UNC13C: variants seen among roughly 807,000 people sequenced by gnomAD.
The protein encoded by UNC13C is protein unc-13 homolog C.
UNC13C carries 174 observed loss-of-function variants against 245.4 expected under a neutral mutation model. The ratio of observed to expected loss-of-function variants is 0.71; its 90% CI spans 0.63 to 0.80. The LOEUF (loss-of-function observed/expected upper bound fraction) is 0.80, where lower values mean the gene tolerates loss of function less well. Ranked by LOEUF, UNC13C falls within the 30% of genes least tolerant of loss-of-function variation. The pLI, the probability that UNC13C is intolerant of heterozygous loss-of-function variation, is 0.00. For synonymous variants in UNC13C, 992 were observed against 895.1 expected, an observed-to-expected ratio of 1.11 and a Z score of -1.93; for missense variants, 2,829 against 2,602.9, an observed-to-expected ratio of 1.09 and a Z score of -1.89.
rs559762041 is a variant in UNC13C at position 54,303,981 on chromosome 15, T to C, written c.4268+3608T>C. ...TGACCTGCAGGTATATTGGGTCTCA[T>C]TGTATTTATAAATCTCAGGAAAGGC... On this transcript the variant is annotated intron_variant, in intron 13 of 32. Transcript: ENST00000260323. Among the ~76,000 whole-genome samples, 5 of 152,212 alleles carry C rather than the reference T, an allele frequency of 3.3e-5. No individual in the cohort carries two copies. The East Asian group carries it at 5.8e-4, about 18-fold the overall frequency.
At chr15:54,619,158 C>G (rs906839047) in intron 30 of UNC13C, among the ~76,000 whole-genome samples, 2 of 152,134 alleles carry the variant, frequency 1.3e-5, no homozygotes, top group African/African-American at 4.8e-5. Flanking sequence ...TTTATGTCAT[C>G]ACCTACCTGA....
intron 2 of UNC13C, among the ~76,000 whole-genome samples, chr15:54,025,838 T>G (rs181702546): frequency 6.6e-6 from 1 of 152,326 alleles, no homozygotes; most frequent in African/African-American, 2.4e-5. Context: ...TTCTGTATAA[T>G]TTGTGATAAA....
intron 19 of UNC13C, among the ~76,000 whole-genome samples, chr15:54,453,861 C>T (rs1891322285): frequency 6.6e-6 from 1 of 152,100 alleles, no homozygotes. Flanking sequence ...GTGTACAATT[C>T]AGTGGCATTT....
At chr15:54,283,712 G>A (rs561809904) in intron 10 of UNC13C, among the ~76,000 whole-genome samples, 3 of 4,710 alleles carry the variant, frequency 6.4e-4, no homozygotes, top group Non-Finnish European at 4.7e-3. Context: ...ATATATATAT[G>A]TGTGTGTGTG....
At chr15:54,107,812 C>G (rs955048309) in intron 2 of UNC13C, among the ~76,000 whole-genome samples, 3 of 152,204 alleles carry the variant, frequency 2.0e-5, no homozygotes, top group Admixed American at 6.5e-5. Context: ...TAGGTCATCT[C>G]TCAAAGTCTC....
chr15:54,346,631 G>A (rs17818441), intron 17 of UNC13C, among the ~76,000 whole-genome samples: 21,037 of 152,222 alleles, frequency 0.14, 1,748 homozygotes, highest in Middle Eastern at 0.23. Flanking sequence ...TGATAGAAAA[G>A]TAGAGACAGC....
chr15:54,470,139 G>C (rs1892383476), intron 19 of UNC13C, among the ~76,000 whole-genome samples: 1 of 151,496 alleles, frequency 6.6e-6, no homozygotes, highest in Non-Finnish European at 1.5e-5. Flanking sequence ...TCTTTTTAAT[G>C]TACTGCTGAA....
intron 18 of UNC13C, among the ~76,000 whole-genome samples, chr15:54,402,064 T>TA (rs55783137): frequency 0.039 from 5,399 of 139,220 alleles, 126 homozygotes; most frequent in African/African-American, 0.077. Flanking sequence ...TGTTGAAATG[T>TA]AAAAAAAAAA....
chr15:54,456,482 G>A (rs1419663817), intron 19 of UNC13C, among the ~76,000 whole-genome samples: 5 of 152,104 alleles, frequency 3.3e-5, no homozygotes, highest in African/African-American at 9.6e-5. Flanking sequence ...CCATCCATGA[G>A]CATGGGATAT....
At chr15:54,132,237 A>AT (rs1306825364) in intron 2 of UNC13C, among the ~76,000 whole-genome samples, 5 of 151,168 alleles carry the variant, frequency 3.3e-5, no homozygotes, top group Admixed American at 6.6e-5. Context: ...CACCTGGCTA[A>AT]TTTTTTGTAT....
At chr15:54,474,896 G>A in intron 19 of UNC13C, among the ~76,000 whole-genome samples, 1 of 151,964 alleles carries the variant, frequency 6.6e-6, no homozygotes, top group East Asian at 1.9e-4. Context: ...AAAAGAGAGA[G>A]GGAAGGGAGG....
intron 2 of UNC13C, among the ~76,000 whole-genome samples, chr15:54,037,933 A>C (rs1309018040): frequency 1.3e-5 from 2 of 150,582 alleles, no homozygotes; most frequent in African/African-American, 2.4e-5. Flanking sequence ...GTGTAAAAGC[A>C]ATGGAGGTTT....
intron 2 of UNC13C, among the ~76,000 whole-genome samples, chr15:54,078,629 T>C (rs1478847696): frequency 6.6e-6 from 1 of 152,176 alleles, no homozygotes; most frequent in South Asian, 2.1e-4. Flanking sequence ...ATGGATTCTT[T>C]TGAGAATTGT....
chr15:53,899,343 T>C, the UNC13C span, among the ~76,000 whole-genome samples: 37 of 152,354 alleles, frequency 2.4e-4, no homozygotes, highest in Admixed American at 1.5e-3. Flanking sequence ...TAAATTGTTA[T>C]AAACACATCA....
chr15:54,171,013 T>C (rs2033378660), intron 4 of UNC13C, among the ~76,000 whole-genome samples: 1 of 152,190 alleles, frequency 6.6e-6, no homozygotes, highest in African/African-American at 2.4e-5. Flanking sequence ...ATATACATTA[T>C]ATGCAGTAAA....
chr15:53,866,584 CAG>C, the UNC13C span, among the ~76,000 whole-genome samples: 1 of 152,162 alleles, frequency 6.6e-6, no homozygotes, highest in Non-Finnish European at 1.5e-5. Context: ...TAAGGAAAGA[CAG>C]AGTTCTTTCT....
chr15:54,381,894 A>T (rs2039733127), intron 17 of UNC13C, among the ~76,000 whole-genome samples: 1 of 152,208 alleles, frequency 6.6e-6, no homozygotes, highest in South Asian at 2.1e-4. Context: ...TGAACTTGCG[A>T]CCAAATGAAT....
At chr15:53,996,082 C>A (rs1894619597) in intron 1 of UNC13C, among the ~76,000 whole-genome samples, 1 of 152,032 alleles carries the variant, frequency 6.6e-6, no homozygotes, top group Admixed American at 6.6e-5. Flanking sequence ...AAGATGTGAG[C>A]AAAAGGAGAG....
At chr15:54,408,925 A>G (rs1177598774) in intron 18 of UNC13C, among the ~76,000 whole-genome samples, 2 of 152,190 alleles carry the variant, frequency 1.3e-5, no homozygotes, top group South Asian at 2.1e-4. Flanking sequence ...CAATAGCTGC[A>G]TATTTTTCCG....
Sources: allele counts gnomAD v4.1 joint callset (sites outside exome capture counted in the v4.1 genomes callset), GRCh38; gene constraint gnomAD v4.1.1; transcripts MANE v1.5; gene names NCBI Gene and HGNC (gene_info 2026-07-23, HGNC 2026-07-21).